FRMD6: variants seen among roughly 807,000 people sequenced by gnomAD.
FRMD6 encodes FERM domain-containing protein 6.
In FRMD6, 37 loss-of-function variants were observed where a neutral mutation model predicts 73.2. The ratio of observed to expected loss-of-function variants is 0.51; its 90% CI spans 0.39 to 0.66. FRMD6 has a LOEUF of 0.66. Ranked by LOEUF, FRMD6 falls within the 30% of genes least tolerant of loss-of-function variation. FRMD6 has a pLI of 0.00. For missense variants in FRMD6, 714 were observed against 780.5 expected, an observed-to-expected ratio of 0.91 and a Z score of 1.02; for synonymous variants, 273 against 282.2, an observed-to-expected ratio of 0.97 and a Z score of 0.33.
At position 51,720,857 on chromosome 14, in the gene FRMD6, G is replaced by C. The variant is rs960006154; in HGVS notation, c.1360+467G>C. ...CGCCTCCCATGTAACCAGAACTATA[G>C]GGAGGATAAAAGAAATATAGCACCT... On this transcript the variant is annotated intron_variant, in intron 11 of 13. Coordinates refer to ENST00000344768, the MANE Select transcript of FRMD6 (RefSeq NM_001267046.2). Among the ~76,000 whole-genome samples, 3 of 152,284 alleles carry C rather than the reference G, an allele frequency of 2.0e-5. No homozygotes were observed. In the East Asian group the frequency reaches 5.8e-4, roughly 29 times the overall value.
At chr14:51,540,604 T>A (rs1886152723) in intron 1 of FRMD6, among the ~76,000 whole-genome samples, 3 of 152,118 alleles carry the variant, frequency 2.0e-5, no homozygotes, top group Admixed American at 2.0e-4. Context: ...CAAAGTAGAT[T>A]TTACAGCCCT....
chr14:51,469,710 G>A, the FRMD6 span, among the ~76,000 whole-genome samples: 16 of 141,050 alleles, frequency 1.1e-4, no homozygotes, highest in South Asian at 3.4e-3. Flanking sequence ...AAGAATTTTT[G>A]TCTATCATGA....
chr14:51,541,217 T>TA (rs1886186451), intron 1 of FRMD6, among the ~76,000 whole-genome samples: 1 of 152,090 alleles, frequency 6.6e-6, no homozygotes, highest in South Asian at 2.1e-4. Context: ...TTACTTGAGT[T>TA]AAAAAATTTG....
At chr14:51,666,349 C>T (rs1168465395) in intron 1 of FRMD6, among the ~76,000 whole-genome samples, 2 of 152,104 alleles carry the variant, frequency 1.3e-5, no homozygotes, top group African/African-American at 2.4e-5. Flanking sequence ...TTTTAAATGT[C>T]TTATCTTTTT....
intron 1 of FRMD6, among the ~76,000 whole-genome samples, chr14:51,516,874 TC>T: frequency 6.6e-6 from 1 of 152,318 alleles, no homozygotes; most frequent in African/African-American, 2.4e-5. Context: ...GTTTTAATCT[TC>T]CCTGCTGGAA....
chr14:51,496,514 T>C (rs1883302238), intron 1 of FRMD6, among the ~76,000 whole-genome samples: 1 of 152,176 alleles, frequency 6.6e-6, no homozygotes, highest in African/African-American at 2.4e-5. Context: ...TCTGTGATTT[T>C]CTTATAGGCT....
the FRMD6 span, among the ~76,000 whole-genome samples, chr14:51,417,558 A>G: frequency 1.3e-5 from 2 of 152,158 alleles, no homozygotes; most frequent in African/African-American, 4.8e-5. Flanking sequence ...TGGGTAACCC[A>G]ACCTTTCTCT....
chr14:51,473,825 T>C, the FRMD6 span, among the ~76,000 whole-genome samples: 1 of 99,596 alleles, frequency 1.0e-5, no homozygotes, highest in Non-Finnish European at 2.3e-5. Flanking sequence ...CTTTCTTTAC[T>C]TTTTTTTTTT....
intron 1 of FRMD6, among the ~76,000 whole-genome samples, chr14:51,515,779 G>T (rs1884598508): frequency 6.8e-6 from 1 of 146,816 alleles, no homozygotes; most frequent in Admixed American, 6.9e-5. Context: ...CTGTGTCAGG[G>T]AGAACCATTG....
chr14:51,530,646 ATTT>A lies in FRMD6; in HGVS notation c.-209-39690_-209-39688del, dbSNP rs10531677. Among the ~76,000 whole-genome samples, 52 of 148,018 alleles carry A rather than the reference ATTT, an allele frequency of 3.5e-4. 1 individual carries two copies. The highest frequency in any genetic ancestry group is 4.0e-4 in the Admixed American group (6 of 14,892). On this transcript the variant is annotated intron_variant, in intron 1 of 14. Transcript: ENST00000356218. ...CAGGCATGCACCACCACACCCAGCT[ATTT>A]TTTTTTTTTTTAATTTTAGTAGTCA...
chr14:51,470,093 A>T, the FRMD6 span, among the ~76,000 whole-genome samples: 15 of 152,282 alleles, frequency 9.9e-5, 1 homozygote, highest in East Asian at 1.7e-3. Flanking sequence ...TCATTTTTTT[A>T]AAATTTAAAA....
At chr14:51,452,910 C>T in the FRMD6 span, among the ~76,000 whole-genome samples, 1 of 152,076 alleles carries the variant, frequency 6.6e-6, no homozygotes, top group East Asian at 1.9e-4. Context: ...GTCTCATCAT[C>T]GGTAATCTTT....
the FRMD6 span, among the ~76,000 whole-genome samples, chr14:51,400,920 C>T: frequency 6.6e-6 from 1 of 152,156 alleles, no homozygotes; most frequent in East Asian, 1.9e-4. Flanking sequence ...GTTTTTCTCC[C>T]ACTCACTGTT....
At chr14:51,626,312 G>T (rs1891114419) in intron 2 of FRMD6, among the ~76,000 whole-genome samples, 1 of 151,986 alleles carries the variant, frequency 6.6e-6, no homozygotes, top group African/African-American at 2.4e-5. Context: ...TTCCAGCTAG[G>T]CATTAAATAG....
chr14:51,647,164 T>G (rs780513564), upstream of FRMD6, among the ~76,000 whole-genome samples: 60 of 152,364 alleles, frequency 3.9e-4, no homozygotes, highest in Non-Finnish European at 6.5e-4. Context: ...TTACATATTT[T>G]TTTTTCAAAA....
At position 51,614,017 on chromosome 14, in the gene FRMD6, C is replaced by T. The variant is rs1351262105; in HGVS notation, c.-147+43607C>T. On this transcript the variant is annotated intron_variant, in intron 2 of 14. Transcript: ENST00000356218. ...CCACACACCTCAATTGAAGCTACCA[C>T]GTATCAAACACTCAATAGCCACATG... Among the ~76,000 whole-genome samples the T allele has an allele frequency of 3.3e-5, 5 of 152,090 alleles. No homozygotes were observed. In the East Asian group the frequency reaches 5.8e-4, roughly 18 times the overall value.
At chr14:51,606,757 C>T (rs66476739) in intron 2 of FRMD6, among the ~76,000 whole-genome samples, 6,171 of 152,170 alleles carry the variant, frequency 0.041, 150 homozygotes, top group Non-Finnish European at 0.051. Flanking sequence ...ACACGCCATA[C>T]ACAAGCTGGA....
At chr14:51,447,352 A>C in the FRMD6 span, among the ~76,000 whole-genome samples, 2 of 152,110 alleles carry the variant, frequency 1.3e-5, no homozygotes, top group African/African-American at 4.8e-5. Context: ...GCTCCCATTT[A>C]GCTTACCTGT....
the FRMD6 span, among the ~76,000 whole-genome samples, chr14:51,441,930 G>A: frequency 2.0e-5 from 3 of 151,954 alleles, no homozygotes; most frequent in South Asian, 2.1e-4. Flanking sequence ...TCTGTTAACC[G>A]AGATGAATAC....
Sources: gnomAD v4.1 joint callset for allele counts (sites outside exome capture counted in the v4.1 genomes callset) on GRCh38, gnomAD v4.1.1 for gene constraint, MANE v1.5 for transcripts, NCBI Gene and HGNC (gene_info 2026-07-23, HGNC 2026-07-21) for gene names.